PDE4D: variants seen among roughly 807,000 people sequenced by gnomAD.
The protein encoded by PDE4D is phosphodiesterase 4D.
In PDE4D, 24 loss-of-function variants were observed where a neutral mutation model predicts 87.4. That is an observed-to-expected ratio of 0.27 (90% CI 0.20 to 0.39). PDE4D has a LOEUF of 0.39. Among genes scored for constraint, PDE4D ranks in the 10% least tolerant of loss-of-function variants. PDE4D has a pLI of 1.00. For synonymous variants in PDE4D, 384 were observed against 383.2 expected (o/e 1.00, Z -0.02); for missense variants, 714 against 1,041.0 (o/e 0.69, Z 4.32).
intron 1 of PDE4D, among the ~76,000 whole-genome samples, chr5:59,577,545 T>C (rs549151283): frequency 3.9e-5 from 6 of 152,276 alleles, no homozygotes; most frequent in Middle Eastern, 3.4e-3. Flanking sequence ...GTCAACCTTC[T>C]CATTTTCATA....
At chr5:59,883,124 A>C (rs952328364) in intron 1 of PDE4D, among the ~76,000 whole-genome samples, 1 of 152,146 alleles carries the variant, frequency 6.6e-6, no homozygotes, top group Non-Finnish European at 1.5e-5. Context: ...AGGAAGACCC[A>C]ATTTGGGCTG....
At chr5:59,817,009 G>A (rs1451437004) in intron 1 of PDE4D, among the ~76,000 whole-genome samples, 1 of 152,214 alleles carries the variant, frequency 6.6e-6, no homozygotes, top group Non-Finnish European at 1.5e-5. Flanking sequence ...ACAGGGGTAA[G>A]TGAGCAGGGG....
chr5:59,641,577 C>T (rs1181846390), intron 1 of PDE4D, among the ~76,000 whole-genome samples: 1 of 152,094 alleles, frequency 6.6e-6, no homozygotes, highest in African/African-American at 2.4e-5. Flanking sequence ...AATAAAAGCA[C>T]TTTAAAATGA....
At chr5:59,682,761 T>C (rs298070) in intron 1 of PDE4D, among the ~76,000 whole-genome samples, 114,825 of 152,172 alleles carry the variant, frequency 0.75, 43,456 homozygotes, top group East Asian at 0.84. Context: ...TTCTCAGCCT[T>C]CAGAACCATG....
chr5:59,586,492 A>G, intron 1 of PDE4D: 5 of 1,381,704 alleles, frequency 3.6e-6, no homozygotes, highest in Non-Finnish European at 4.7e-6. Context: ...TTATTGCAAC[A>G]AGTATTGAAT....
intron 1 of PDE4D, among the ~76,000 whole-genome samples, chr5:60,468,231 T>G (rs1000986587): frequency 6.6e-6 from 1 of 151,426 alleles, no homozygotes; most frequent in African/African-American, 2.4e-5. Flanking sequence ...CTCTGCCTCC[T>G]GGGCTCAAGA....
chr5:59,954,838 A>G (rs1581895709), intron 3 of PDE4D, among the ~76,000 whole-genome samples: 1 of 152,344 alleles, frequency 6.6e-6, no homozygotes, highest in South Asian at 2.1e-4. Context: ...GACAGTGCTG[A>G]CGATGTAATA....
intron 1 of PDE4D, among the ~76,000 whole-genome samples, chr5:59,719,453 C>T (rs1381629803): frequency 6.6e-6 from 1 of 152,048 alleles, no homozygotes; most frequent in Non-Finnish European, 1.5e-5. Context: ...TATTGATTAC[C>T]TTTGCATTTC....
intron 1 of PDE4D, among the ~76,000 whole-genome samples, chr5:60,426,649 G>A (rs1279319697): frequency 6.6e-6 from 1 of 152,130 alleles, no homozygotes; most frequent in Non-Finnish European, 1.5e-5. Flanking sequence ...CCTGCACGCT[G>A]TGCGCATGTA....
intron 2 of PDE4D, among the ~76,000 whole-genome samples, chr5:60,158,562 A>AT (rs1303833666): frequency 1.3e-5 from 2 of 151,984 alleles, no homozygotes; most frequent in African/African-American, 2.4e-5. Flanking sequence ...AAATTTATTT[A>AT]TTTTTTATTT....
intron 2 of PDE4D, among the ~76,000 whole-genome samples, chr5:60,004,710 A>G (rs906524445): frequency 2.6e-5 from 4 of 152,200 alleles, no homozygotes; most frequent in African/African-American, 9.6e-5. Context: ...GCCAAAAGGT[A>G]TATAAAATGG....
At chr5:60,346,549 T>C (rs1161351156) in intron 1 of PDE4D, among the ~76,000 whole-genome samples, 4 of 152,166 alleles carry the variant, frequency 2.6e-5, no homozygotes, top group Non-Finnish European at 5.9e-5. Context: ...GCCAGTCTAA[T>C]ATTCATGGTT....
chr5:60,315,535 G>C (rs998379724), intron 1 of PDE4D, among the ~76,000 whole-genome samples: 4 of 152,064 alleles, frequency 2.6e-5, no homozygotes, highest in Non-Finnish European at 5.9e-5. Context: ...CATTGCTTTT[G>C]GTGTTTTAGA....
In PDE4D at chr5:59,091,264, T is replaced by A. The variant is rs191144953; in HGVS notation, c.809-52293A>T. 8.0e-6 allele frequency: 3 copies of A among 373,538 alleles called. No individual in the cohort carries two copies. The Admixed American group carries it at 9.8e-5, about 12-fold the overall frequency. The allele number at this position is 373,538 out of a possible 1,614,324, so 23.1% of individuals were successfully genotyped here. On this transcript the variant is annotated intron_variant, in intron 5 of 14. Coordinates refer to ENST00000340635, the MANE Select transcript of PDE4D (RefSeq NM_001104631.2). ...TGAAGTTAAAGATATGCATGACCCA[T>A]GAATCCACTCCTAGGTATATTCCCC... is the stretch of plus-strand genomic sequence containing the variant.
rs945297003 is a variant in PDE4D at position 59,275,906 on chromosome 5, C to G, written c.456-59938G>C. 4.1e-6 allele frequency: 4 copies of G among 985,174 alleles called. No individual in the cohort carries two copies. The African/African-American group carries it at 7.0e-5, about 17-fold the overall frequency. 61.0% of individuals were successfully genotyped at this position (985,174 alleles called of 1,614,324 possible). On this transcript the variant is annotated intron_variant, in intron 1 of 14. Coordinates refer to ENST00000340635, the MANE Select transcript of PDE4D (RefSeq NM_001104631.2). ...GCAAGCACAGGAAAACACTCCTCTC[C>G]GTGGAGCAAAGAAGTCAGCCAAGGA...
rs555671533 is a variant in PDE4D, at chr5:59,803,001, A to G, written c.455+90167T>C. Among the ~76,000 whole-genome samples, 147 of 152,300 alleles carry G rather than the reference A, an allele frequency of 9.7e-4. 1 individual carries two copies. The highest frequency in any genetic ancestry group is 9.4e-3 in the Admixed American group (144 of 15,300). On this transcript the variant is annotated intron_variant, in intron 1 of 14. Coordinates refer to ENST00000340635, the MANE Select transcript of PDE4D (RefSeq NM_001104631.2). ...CAAGCAGAGTTGTGGTGTAGGGCAGAGGAAGATAATAGATGCTAATGATTT... is the reference window on the plus strand; with the variant it reads ...CAAGCAGAGTTGTGGTGTAGGGCAGGGGAAGATAATAGATGCTAATGATTT...
intron 1 of PDE4D, among the ~76,000 whole-genome samples, chr5:59,793,673 G>C (rs1291881694): frequency 6.6e-6 from 1 of 152,220 alleles, no homozygotes; most frequent in East Asian, 1.9e-4. Flanking sequence ...CACATTTAAT[G>C]CAAAGGAAAG....
At chr5:59,524,674 C>A (rs1812769548) in intron 1 of PDE4D, among the ~76,000 whole-genome samples, 1 of 152,210 alleles carries the variant, frequency 6.6e-6, no homozygotes, top group Non-Finnish European at 1.5e-5. Flanking sequence ...GACGACTTCA[C>A]AGCAGCCCCT....
At chr5:59,589,237 C>A (rs1381782222) in intron 1 of PDE4D, among the ~76,000 whole-genome samples, 2 of 152,204 alleles carry the variant, frequency 1.3e-5, no homozygotes, top group Non-Finnish European at 2.9e-5. Flanking sequence ...CCTCTGTAAT[C>A]ATAATAATAC....
Sources: allele counts gnomAD v4.1 joint callset (sites outside exome capture counted in the v4.1 genomes callset), GRCh38; gene constraint gnomAD v4.1.1; transcripts MANE v1.5; gene names NCBI Gene and HGNC (gene_info 2026-07-23, HGNC 2026-07-21).